The following XIRP2 variants were observed in gnomAD, a reference collection of about 807,000 sequenced individuals.
XIRP2 encodes the protein xin actin binding repeat containing 2.
A neutral mutation model predicts 277.0 loss-of-function variants in XIRP2; 236 were observed. That is an observed-to-expected ratio of 0.85 (90% confidence interval 0.77 to 0.95). The LOEUF is 0.95. Among genes scored for constraint, XIRP2 ranks in the 40% least tolerant of loss-of-function variants. XIRP2 has a pLI of 0.00. For synonymous variants in XIRP2, 1,490 were observed against 1,416.5 expected (o/e 1.05, Z -1.17); for missense variants, 4,640 against 4,157.5 (o/e 1.12, Z -3.19).
intron 2 of XIRP2, among the ~76,000 whole-genome samples, chr2:167,018,730 G>A (rs189104946): frequency 5.2e-4 from 79 of 152,122 alleles, no homozygotes; most frequent in Admixed American, 1.6e-3. Context: ...TTAGACAGCA[G>A]AAACCTGAAG....
At chr2:166,999,749 A>G (rs754027767) in intron 2 of XIRP2, among the ~76,000 whole-genome samples, 1 of 152,166 alleles carries the variant, frequency 6.6e-6, no homozygotes, top group Non-Finnish European at 1.5e-5. Flanking sequence ...TAAGCAAGAG[A>G]TAATTAACTT....
intron 3 of XIRP2, among the ~76,000 whole-genome samples, chr2:167,159,215 T>C (rs1692291365): frequency 6.6e-6 from 1 of 152,140 alleles, no homozygotes; most frequent in Non-Finnish European, 1.5e-5. Flanking sequence ...TCAGGAGAGA[T>C]GGTACACAGA....
In XIRP2 at chr2:167,251,329, G is replaced by A. The variant is rs1695494920; in HGVS notation, c.9937G>A (p.Glu3313Lys). ...PRLSEHTQRY[E>K]AANRTVQMAE... is the part of the protein sequence containing the mutation. ...CCTGTCAGAGCACACACAGAGATAT[G>A]AAGCGGCCAACCGAACTGTTCAAAT... The change falls in exon 9 of 11, where the codon GAA becomes AAA. Residue 3313 changes from glutamate (E) to lysine (K), a missense_variant. Glu to Lys is a moderately conservative substitution (Grantham distance 56, BLOSUM62 1). Transcript: ENST00000409195. 1.9e-6 allele frequency: 3 copies of A among 1,613,614 alleles called. No individual in the cohort carries two copies. Among genetic ancestry groups the A allele is most frequent in the African/African-American group, 2.7e-5 (2 of 74,976 alleles).
At chr2:167,029,433 G>T (rs772735802) in intron 2 of XIRP2, among the ~76,000 whole-genome samples, 3 of 151,876 alleles carry the variant, frequency 2.0e-5, no homozygotes, top group Non-Finnish European at 4.4e-5. Context: ...AAATTTTATC[G>T]AACGCCTTTT....
At chr2:167,235,470 G>A (rs1045767563) in intron 5 of XIRP2, among the ~76,000 whole-genome samples, 3 of 151,890 alleles carry the variant, frequency 2.0e-5, no homozygotes, top group African/African-American at 7.3e-5. Flanking sequence ...ATTTACCCAT[G>A]TATTTACTCC....
At position 167,259,396 on chromosome 2, in the gene XIRP2, G is replaced by C; in HGVS notation, c.*1579G>C. ...ATGGCCACTGACAGTCCACACTTAG[G>C]CACTGAGAGATATTGATGTTCTGAA... On this transcript the variant is annotated 3_prime_UTR_variant, in exon 11 of 11. Transcript: ENST00000409195. The C allele has an allele frequency of 1.3e-6, 2 of 1,538,676 alleles. No individual in the cohort carries two copies. Among genetic ancestry groups the C allele is most frequent in the Non-Finnish European group, 1.7e-6 (2 of 1,144,700 alleles).
chr2:166,943,039 A>G (rs1185800569), intron 2 of XIRP2, among the ~76,000 whole-genome samples: 1 of 152,170 alleles, frequency 6.6e-6, no homozygotes, highest in Non-Finnish European at 1.5e-5. Flanking sequence ...ATACCATTAA[A>G]TACAAACAAA....
intron 2 of XIRP2, among the ~76,000 whole-genome samples, chr2:166,965,363 T>C (rs1686403196): frequency 6.6e-6 from 1 of 151,810 alleles, no homozygotes; most frequent in Non-Finnish European, 1.5e-5. Context: ...TTTCCTCCAG[T>C]ATGCACTTAC....
intron 4 of XIRP2, among the ~76,000 whole-genome samples, chr2:167,217,413 A>G (rs1161498806): frequency 1.3e-5 from 2 of 152,118 alleles, no homozygotes; most frequent in Non-Finnish European, 2.9e-5. Context: ...GGGGTGTGCT[A>G]ATCCTGGAGT....
intron 3 of XIRP2, among the ~76,000 whole-genome samples, chr2:167,172,586 CTT>C (rs1209188647): frequency 1.3e-5 from 2 of 152,184 alleles, no homozygotes; most frequent in African/African-American, 4.8e-5. Flanking sequence ...AACACATTCT[CTT>C]TCTCAGGGCT....
chr2:167,088,018 G>A (rs556017008), intron 2 of XIRP2, among the ~76,000 whole-genome samples: 7 of 152,236 alleles, frequency 4.6e-5, no homozygotes, highest in African/African-American at 1.7e-4. Flanking sequence ...TGATAAGTTT[G>A]TAAGCCATTG....
At chr2:167,023,247 T>C (rs1688040534) in intron 2 of XIRP2, among the ~76,000 whole-genome samples, 1 of 152,222 alleles carries the variant, frequency 6.6e-6, no homozygotes, top group Admixed American at 6.6e-5. Context: ...GCTGCATAAA[T>C]GTCTTCTTTT....
chr2:167,008,146 T>A (rs1274695394), intron 2 of XIRP2, among the ~76,000 whole-genome samples: 1 of 151,610 alleles, frequency 6.6e-6, no homozygotes, highest in Non-Finnish European at 1.5e-5. Context: ...TGGTCAGAAT[T>A]TTTTTCTTTA....
chr2:167,094,328 CG>C (rs1367037883), intron 2 of XIRP2, among the ~76,000 whole-genome samples: 1 of 152,188 alleles, frequency 6.6e-6, no homozygotes, highest in African/African-American at 2.4e-5. Context: ...AATTAGATCC[CG>C]TTTGTCAATT....
intron 2 of XIRP2, among the ~76,000 whole-genome samples, chr2:166,938,643 A>T (rs1197706703): frequency 6.6e-6 from 1 of 152,084 alleles, no homozygotes; most frequent in Non-Finnish European, 1.5e-5. Context: ...TAATTCCTGG[A>T]TATCCTTGTT....
chr2:167,150,464 G>T (rs1392534465), intron 3 of XIRP2, among the ~76,000 whole-genome samples: 1 of 147,790 alleles, frequency 6.8e-6, no homozygotes, highest in Non-Finnish European at 1.5e-5. Flanking sequence ...ATTTATGGCA[G>T]TATTGGTTTT....
At chr2:167,184,330 T>A (rs893223269) in intron 3 of XIRP2, among the ~76,000 whole-genome samples, 6 of 152,206 alleles carry the variant, frequency 3.9e-5, no homozygotes, top group African/African-American at 1.4e-4. Flanking sequence ...GAGATACTTG[T>A]TTGTTAAGTA....
At chr2:166,999,128 A>C (rs1687299398) in intron 2 of XIRP2, among the ~76,000 whole-genome samples, 1 of 152,158 alleles carries the variant, frequency 6.6e-6, no homozygotes, top group Non-Finnish European at 1.5e-5. Context: ...AAATACATAA[A>C]AATATTTGCT....
intron 2 of XIRP2, among the ~76,000 whole-genome samples, chr2:167,070,276 A>G (rs1689405748): frequency 6.6e-6 from 1 of 152,050 alleles, no homozygotes; most frequent in African/African-American, 2.4e-5. Context: ...GAAGCCGATA[A>G]ATATTTGATC....
Sources: gnomAD v4.1 joint callset for allele counts (sites outside exome capture counted in the v4.1 genomes callset) on GRCh38, gnomAD v4.1.1 for gene constraint, MANE v1.5 for transcripts, NCBI Gene and HGNC (gene_info 2026-07-23, HGNC 2026-07-21) for gene names.